The following MYO18A variants were observed in gnomAD, a reference collection of about 807,000 sequenced individuals.
MYO18A encodes myosin XVIIIA, also known as unconventional myosin-XVIIIa.
In MYO18A, 78 loss-of-function variants were observed where a neutral mutation model predicts 235.8. That is an observed-to-expected ratio of 0.33 (90% CI 0.28 to 0.40). MYO18A has a LOEUF of 0.40. MYO18A is among the 10% of genes least tolerant of loss of function. The pLI, the probability that MYO18A is intolerant of heterozygous loss-of-function variation, is 1.00. For missense variants in MYO18A, 2,215 were observed against 2,699.3 expected (o/e 0.82, Z 3.98); for synonymous variants, 977 against 1,077.8 (o/e 0.91, Z 1.83).
chr17:29,119,407 G>A lies in MYO18A; in HGVS notation c.1757C>T (p.Ala586Val). 1 of 1,611,376 alleles carries A rather than the reference G, an allele frequency of 6.2e-7. No homozygotes were observed. The highest frequency in any genetic ancestry group is 2.2e-5 in the East Asian group (1 of 44,846). The part of the protein sequence containing the change: ...QTMLLEKLRV[A>V]RRPASEATFN... ...TGTGGCTTCACTGGCTGGGCGCCGA[G>A]CCACACGCAGCTTCTCCAGAAGCAT... The change falls in exon 8 of 42, where the codon GCT becomes GTT. Residue 586 changes from alanine (A) to valine (V), a missense_variant. Physicochemically the swap from Ala to Val is moderately conservative, Grantham distance 64 (BLOSUM62 0). Coordinates refer to ENST00000527372, the MANE Select transcript of MYO18A (RefSeq NM_078471.4).
chr17:29,116,404 C>A, intron 11 of MYO18A, 40 bp downstream of exon 11: 1 of 1,613,594 alleles, frequency 6.2e-7, no homozygotes, highest in East Asian at 2.2e-5. Flanking sequence ...TGTGTCTAAT[C>A]ACGGCAATTA....
intron 19 of MYO18A, chr17:29,107,482 G>A (rs757400081): frequency 1.0e-4 from 34 of 337,880 alleles, no homozygotes; most frequent in Non-Finnish European, 1.7e-4. Context: ...GTATGCAAAT[G>A]GGGGGTTGTG....
At chr17:29,102,020 C>A (rs1300520759) in intron 21 of MYO18A, among the ~76,000 whole-genome samples, 1 of 152,192 alleles carries the variant, frequency 6.6e-6, no homozygotes, top group African/African-American at 2.4e-5. Context: ...ATGTGACACA[C>A]AGGGAATCCT....
chr17:29,158,737 C>A lies in MYO18A; in HGVS notation c.999+7205G>T, dbSNP rs1598389522. ...TGGCGGGAGCCCTGCTGGCAGGCAG[C>A]GCGTGCCTGTGGTTTCTGGGAAATG... is the stretch of plus-strand genomic sequence containing the variant. On this transcript the variant is annotated intron_variant, in intron 2 of 41. Coordinates refer to ENST00000527372, the MANE Select transcript of MYO18A (RefSeq NM_078471.4). The surrounding 1 kb of genome is among the most constrained non-coding windows in gnomAD (Gnocchi z 4.3). 6.6e-6 allele frequency among the ~76,000 whole-genome samples: 1 copy of A among 152,152 alleles called. No individual in the cohort carries two copies.
At position 29,098,407 on chromosome 17, in the gene MYO18A, C is replaced by T. The variant is rs768852959; in HGVS notation, c.3819G>A (p.Ala1273=). Reference sequence around the variant, plus strand: ...GCCGCAGCTCGTTCCTCTCCTTCTCCGCCTTCTCGAGCTTGCTCCGCAGCT... The same window carrying T: ...GCCGCAGCTCGTTCCTCTCCTTCTCTGCCTTCTCGAGCTTGCTCCGCAGCT... The part of the protein sequence containing the change: ...IQQLRSKLEK[A]EKERNELRLN... Residue 1273 remains alanine (A), a synonymous_variant, in exon 24 of 42, where the codon GCG becomes GCA. Transcript: ENST00000527372. 41 of 1,613,868 alleles carry T rather than the reference C, an allele frequency of 2.5e-5. No individual in the cohort carries two copies. Among genetic ancestry groups the T allele is most frequent in the South Asian group, 6.6e-5 (6 of 91,094 alleles).
Position 29,072,614 on chromosome 17 carries a change from G to A in MYO18A, c.*2156C>T, listed in dbSNP as rs969491414. ...GCAATGGAGGGGGCAGTCTCTGTTC[G>A]AGACAGATCCACTTCACACTCTGTC... On this transcript the variant is annotated 3_prime_UTR_variant, in exon 42 of 42. Coordinates refer to ENST00000527372, the MANE Select transcript of MYO18A (RefSeq NM_078471.4). The A allele has an allele frequency of 3.3e-5, 5 of 152,078 alleles. No individual in the cohort carries two copies. Among genetic ancestry groups the A allele is most frequent in the African/African-American group, 9.7e-5 (4 of 41,406 alleles). The allele number at this position is 152,078 out of a possible 1,614,324, so 9.4% of individuals were successfully genotyped here.
intron 7 of MYO18A, 83 bp from the exon 8 acceptor site, chr17:29,119,518 C>A: frequency 3.2e-6 from 3 of 927,312 alleles, no homozygotes; most frequent in Non-Finnish European, 4.9e-6. Context: ...GAATCAAACA[C>A]ATGGTCCTCT....
intron 1 of MYO18A, among the ~76,000 whole-genome samples, chr17:29,179,484 A>AG (rs2068602661): frequency 1.3e-5 from 2 of 152,128 alleles, no homozygotes; most frequent in Admixed American, 1.3e-4. Flanking sequence ...GGGCAGGGTG[A>AG]GGGGGCAGCC....
At position 29,121,401 on chromosome 17, in the gene MYO18A, G is replaced by T. The variant is rs2067196388; in HGVS notation, c.1371+146C>A. On this transcript the variant is annotated intron_variant, in intron 5 of 41. Coordinates refer to ENST00000527372, the MANE Select transcript of MYO18A (RefSeq NM_078471.4). The surrounding 1 kb of genome is among the most constrained non-coding windows in gnomAD (Gnocchi z 4.2). ...CCATCAAAGGTTGTGGGGAGGTCCTGTCCCCCATCTCTTGAAATGACTCCT... is the reference window on the plus strand; with the variant it reads ...CCATCAAAGGTTGTGGGGAGGTCCTTTCCCCCATCTCTTGAAATGACTCCT... The T allele has an allele frequency of 3.8e-6, 4 of 1,066,430 alleles. No homozygotes were observed. In the South Asian group the frequency reaches 4.9e-5, roughly 13 times the overall value. The allele number at this position is 1,066,430 out of a possible 1,614,324, so 66.1% of individuals were successfully genotyped here.
chr17:29,127,777 A>C, intron 2 of MYO18A: 1 of 867,842 alleles, frequency 1.2e-6, no homozygotes, highest in Non-Finnish European at 1.4e-6. Flanking sequence ...CGCTTGGGGA[A>C]GCCGGCTGTG....
chr17:29,089,603 T>C (rs1300409334), intron 37 of MYO18A, among the ~76,000 whole-genome samples: 1 of 151,864 alleles, frequency 6.6e-6, no homozygotes, highest in African/African-American at 2.4e-5. Context: ...GATTCCAGCC[T>C]GCGCAGAAGT....
chr17:29,115,710 G>T lies in MYO18A; in HGVS notation c.2181C>A (p.Thr727=). Residue 727 remains threonine (T), a synonymous_variant, in exon 12 of 42, where the codon ACC becomes ACA. Transcript: ENST00000527372. The stretch of plus-strand genomic sequence containing the variant: ...TCTCCTCGGGGCCCTGGCGGAAGGA[G>T]GTGGAGCGCTGCAGGGTGCCACCCT... The part of the protein sequence containing the change: ...QHKGGTLQRS[T]SFRQGPEESG... The T allele has an allele frequency of 6.2e-7, 1 of 1,606,648 alleles. No individual in the cohort carries two copies.
intron 41 of MYO18A, chr17:29,077,324 C>T (rs1453459908): frequency 6.6e-6 from 1 of 152,278 alleles, no homozygotes; most frequent in African/African-American, 2.4e-5. Flanking sequence ...AAGCCTTCCT[C>T]CTCACAAGCC....
chr17:29,164,717 C>A (rs1340876204), intron 2 of MYO18A, among the ~76,000 whole-genome samples: 1 of 152,206 alleles, frequency 6.6e-6, no homozygotes, highest in African/African-American at 2.4e-5. Flanking sequence ...CGTATACTAT[C>A]TCCAGGCAGG....
chr17:29,122,357 C>T, intron 2 of MYO18A, 104 bp from the exon 3 acceptor site: 2 of 1,003,752 alleles, frequency 2.0e-6, no homozygotes, highest in Non-Finnish European at 3.0e-6. Flanking sequence ...AGACAAGCCA[C>T]TGGGCAAGGA....
chr17:29,090,130 A>T, intron 36 of MYO18A, 32 bp from the exon 37 acceptor site: 1 of 1,600,674 alleles, frequency 6.2e-7, no homozygotes, highest in Non-Finnish European at 8.5e-7. Flanking sequence ...AGAAGAAAGA[A>T]CTGAGCCCAG....
At chr17:29,115,132 T>A in intron 13 of MYO18A, 33 bp from the exon 14 acceptor site, 1 of 1,585,032 alleles carries the variant, frequency 6.3e-7, no homozygotes, top group East Asian at 2.3e-5. Context: ...AGAGCCTCGC[T>A]GGTTGGCCCC....
At chr17:29,090,774 G>C (rs200959334) in intron 35 of MYO18A, 36 bp downstream of exon 35, 14 of 1,581,542 alleles carry the variant, frequency 8.9e-6, no homozygotes, top group African/African-American at 1.3e-5. Flanking sequence ...GGATGGTGAC[G>C]GTGCAGAGTG....
At chr17:29,171,484 CAAAAG>C (rs142901740) in intron 1 of MYO18A, among the ~76,000 whole-genome samples, 2,010 of 151,944 alleles carry the variant, frequency 0.013, 49 homozygotes, top group African/African-American at 0.046. Flanking sequence ...AATATCCACT[CAAAAG>C]AAAAGAACTA....
Sources: gnomAD v4.1 joint callset for allele counts (sites outside exome capture counted in the v4.1 genomes callset) on GRCh38, gnomAD v4.1.1 for gene constraint, Gnocchi (gnomAD v3.1) non-coding constraint, MANE v1.5 for transcripts, NCBI Gene and HGNC (gene_info 2026-07-23, HGNC 2026-07-21) for gene names.